The following PRKAG2 variants were observed in gnomAD, a reference collection of about 807,000 sequenced individuals.
The protein encoded by PRKAG2 is protein kinase AMP-activated non-catalytic subunit gamma 2.
A neutral mutation model predicts 69.6 loss-of-function variants in PRKAG2; 26 were observed. That is an observed-to-expected ratio of 0.37 (90% CI 0.27 to 0.52). The LOEUF is 0.52. PRKAG2 is among the 20% of genes least tolerant of loss of function. The probability of loss-of-function intolerance (pLI) is 0.90; values close to 1 mark genes in which losing one functional copy is unlikely to be tolerated. For missense variants in PRKAG2, 557 were observed against 740.0 expected (o/e 0.75, Z 2.87); for synonymous variants, 293 against 285.0 (o/e 1.03, Z -0.28).
In PRKAG2 at chr7:151,675,503, C is replaced by A. The variant is rs148952775; in HGVS notation, c.601G>T (p.Gly201Trp). ...AAGGAAGACGGGCAGAACCTCTGCC[C>A]TGTGTCCGGGGGGGAAGACGAGGCA... is the stretch of plus-strand genomic sequence containing the variant. Reference protein sequence around the residue: ...IYASSSPPDTGQRFCPSSFQS... With the variant: ...IYASSSPPDTWQRFCPSSFQS... The change falls in exon 4 of 16, where the codon GGG becomes TGG. Residue 201 changes from glycine (G) to tryptophan (W), a missense_variant. Physicochemically the swap from Gly to Trp is radical, Grantham distance 184. Around this residue, in one of 2 missense-constraint regions of PRKAG2, gnomAD observed 352 missense variants for 356.7 expected, o/e 0.99. Transcript: ENST00000287878. 6.2e-7 allele frequency: 1 copy of A among 1,614,058 alleles called. No individual in the cohort carries two copies. The highest frequency in any genetic ancestry group is 1.3e-5 in the African/African-American group (1 of 74,926).
intron 4 of PRKAG2, among the ~76,000 whole-genome samples, chr7:151,635,820 T>A (rs375971964): frequency 2.6e-5 from 4 of 152,154 alleles, no homozygotes; most frequent in Admixed American, 6.5e-5. Context: ...TTTTTCCCTA[T>A]GAGTCAGGCC....
chr7:151,744,834 A>T (rs565346051), intron 3 of PRKAG2, among the ~76,000 whole-genome samples: 2 of 152,226 alleles, frequency 1.3e-5, no homozygotes, highest in African/African-American at 4.8e-5. Context: ...GGCAGGGGGA[A>T]CCCTAGTCAC....
intron 3 of PRKAG2, among the ~76,000 whole-genome samples, chr7:151,716,985 G>A (rs1324258385): frequency 2.6e-5 from 4 of 152,188 alleles, no homozygotes; most frequent in South Asian, 2.1e-4. Flanking sequence ...GGTGGCTCAC[G>A]CCTGTAATCC....
chr7:151,651,759 T>C (rs1209519449), intron 4 of PRKAG2, among the ~76,000 whole-genome samples: 2 of 152,190 alleles, frequency 1.3e-5, no homozygotes, highest in East Asian at 1.9e-4. Context: ...TCTGGGTTCA[T>C]CCATGTTGTC....
At chr7:151,598,856 AT>A (rs112495407) in intron 5 of PRKAG2, among the ~76,000 whole-genome samples, 6,899 of 147,120 alleles carry the variant, frequency 0.047, 496 homozygotes, top group African/African-American at 0.16. Context: ...TTTTTTATGT[AT>A]TTTTTTTTTT....
intron 1 of PRKAG2, among the ~76,000 whole-genome samples, chr7:151,818,741 A>G (rs1178298900): frequency 6.6e-6 from 1 of 152,200 alleles, no homozygotes; most frequent in East Asian, 1.9e-4. Context: ...CATTGACCAC[A>G]CTTTTATTTC....
intron 3 of PRKAG2, chr7:151,736,390 T>A (rs1363952856): frequency 9.2e-6 from 9 of 975,898 alleles, no homozygotes; most frequent in Non-Finnish European, 4.9e-6. Context: ...GGGCTTTTTT[T>A]TTTTTTTTTT....
At chr7:151,717,034 G>T (rs1563510147) in intron 3 of PRKAG2, among the ~76,000 whole-genome samples, 3 of 152,134 alleles carry the variant, frequency 2.0e-5, no homozygotes, top group South Asian at 2.1e-4. Flanking sequence ...ATCACTTGAG[G>T]TCAGGAGTTC....
intron 5 of PRKAG2, among the ~76,000 whole-genome samples, chr7:151,627,242 A>T (rs1235223700): frequency 2.0e-5 from 3 of 152,280 alleles, no homozygotes; most frequent in African/African-American, 4.8e-5. Context: ...CCTCACTGAA[A>T]GACAATGCTT....
chr7:151,702,439 A>G (rs1049027221), intron 3 of PRKAG2, among the ~76,000 whole-genome samples: 7 of 152,130 alleles, frequency 4.6e-5, no homozygotes, highest in Admixed American at 3.9e-4. Flanking sequence ...ATGCAGGTCC[A>G]CACTGATCCT....
At chr7:151,677,611 G>C (rs1300067441) in intron 3 of PRKAG2, among the ~76,000 whole-genome samples, 1 of 152,210 alleles carries the variant, frequency 6.6e-6, no homozygotes, top group African/African-American at 2.4e-5. Context: ...GCCTAGAGCT[G>C]CCTCCTTAAA....
chr7:151,837,688 T>G (rs2151882693), intron 1 of PRKAG2, among the ~76,000 whole-genome samples: 1 of 152,266 alleles, frequency 6.6e-6, no homozygotes, highest in Admixed American at 6.5e-5. Context: ...CTCAGGGGGC[T>G]CTTAAGCCCT....
At chr7:151,811,483 T>A (rs1007362664) in intron 1 of PRKAG2, among the ~76,000 whole-genome samples, 2 of 152,262 alleles carry the variant, frequency 1.3e-5, no homozygotes, top group African/African-American at 4.8e-5. Context: ...TTCCATTCTA[T>A]TTTTCTCTTA....
At chr7:151,633,614 T>G (rs1825204769) in intron 4 of PRKAG2, among the ~76,000 whole-genome samples, 1 of 151,486 alleles carries the variant, frequency 6.6e-6, no homozygotes, top group African/African-American at 2.4e-5. Flanking sequence ...AAACTAACAA[T>G]GAACACATGG....
intron 3 of PRKAG2, among the ~76,000 whole-genome samples, chr7:151,695,147 G>C (rs932945904): frequency 6.6e-6 from 1 of 152,228 alleles, no homozygotes; most frequent in African/African-American, 2.4e-5. Flanking sequence ...TAACAGGGGG[G>C]TTGGGGGTGT....
chr7:151,790,327 G>A (rs2077215620), intron 1 of PRKAG2, among the ~76,000 whole-genome samples: 1 of 152,196 alleles, frequency 6.6e-6, no homozygotes, highest in African/African-American at 2.4e-5. Context: ...CTCTGGCTGA[G>A]AGTCACCCTC....
intron 1 of PRKAG2, among the ~76,000 whole-genome samples, chr7:151,839,338 G>C (rs1232532090): frequency 6.6e-6 from 1 of 152,188 alleles, no homozygotes; most frequent in Non-Finnish European, 1.5e-5. Flanking sequence ...CACCGCGGTC[G>C]GAACTCTCGT....
At chr7:151,697,127 A>T (rs1157134213) in intron 3 of PRKAG2, among the ~76,000 whole-genome samples, 1 of 152,022 alleles carries the variant, frequency 6.6e-6, no homozygotes, top group Non-Finnish European at 1.5e-5. Flanking sequence ...CCGGGGAGAG[A>T]GCTGGAGCCA....
chr7:151,789,349 A>AGT (rs1443299167), intron 1 of PRKAG2, among the ~76,000 whole-genome samples: 1 of 152,048 alleles, frequency 6.6e-6, no homozygotes, highest in African/African-American at 2.4e-5. Context: ...TTCCTTCTGT[A>AGT]GTGTTCTGTG....
Sources: allele counts gnomAD v4.1 joint callset (sites outside exome capture counted in the v4.1 genomes callset), GRCh38; gene constraint gnomAD v4.1.1; regional missense constraint gnomAD v4.1.1; transcripts MANE v1.5; gene names NCBI Gene and HGNC (gene_info 2026-07-23, HGNC 2026-07-21).